Variants in CRACR2B observed in about 807,000 individuals in gnomAD.
The protein encoded by CRACR2B is calcium release activated channel regulator 2B, also known as EF-hand calcium-binding domain-containing protein 4A.
CRACR2B carries 50 observed loss-of-function variants against 46.0 expected under a neutral mutation model. The ratio of observed to expected loss-of-function variants is 1.09; its 90% CI spans 0.87 to 1.38. The LOEUF (loss-of-function observed/expected upper bound fraction) is 1.38, where lower values mean the gene tolerates loss of function less well. CRACR2B is among the 40% of genes most tolerant of loss of function. The probability of loss-of-function intolerance (pLI) is 0.00; values close to 1 mark genes in which losing one functional copy is unlikely to be tolerated. For missense variants in CRACR2B, 667 were observed against 535.0 expected (o/e 1.25, Z -2.43); for synonymous variants, 277 against 239.6 (o/e 1.16, Z -1.44).
In CRACR2B at chr11:831,520, C is replaced by CGAGG. The variant is rs1203072098; in HGVS notation, c.1026-15_1026-14insGAGG. 1.3e-6 allele frequency: 2 copies of CGAGG among 1,568,578 alleles called. No individual in the cohort carries two copies. Among genetic ancestry groups the CGAGG allele is most frequent in the South Asian group, 2.3e-5 (2 of 85,632 alleles). On this transcript the variant is annotated splice_polypyrimidine_tract_variant and intron_variant, in intron 8 of 8. Coordinates refer to ENST00000525077, the MANE Select transcript of CRACR2B (RefSeq NM_001286606.2). ...TCCCTCAGACCCTCTCAGTGTCGGA[C>CGAGG]TCCTCCTTCCCTAGGGAGCTGAATA...
In CRACR2B at chr11:830,360, C is replaced by G. The variant is rs1200007212; in HGVS notation, c.693+23C>G. The G allele has an allele frequency of 3.3e-6, 5 of 1,536,188 alleles. No homozygotes were observed. The South Asian group carries it at 6.0e-5, about 18-fold the overall frequency. On this transcript the variant is annotated intron_variant, in intron 5 of 8. Coordinates refer to ENST00000525077, the MANE Select transcript of CRACR2B (RefSeq NM_001286606.2). ...CAGGTGGGCCTCGGGCCCCGCCCCT[C>G]CCGCCAGGCCCAATCCCACCTCGCT... is the stretch of plus-strand genomic sequence containing the variant.
Position 830,687 on chromosome 11 carries a change from G to C in CRACR2B, c.760G>C (p.Glu254Gln), listed in dbSNP as rs1315243711. The C allele has an allele frequency of 6.5e-7, 1 of 1,542,730 alleles. No homozygotes were observed. The highest frequency in any genetic ancestry group is 1.4e-5 in the African/African-American group (1 of 72,894). ...LELQSREQDL[E>Q]RAGLRQRELE... Reference sequence around the variant, plus strand: ...GCTGCAGAGCCGCGAGCAGGACCTGGAACGCGCGGGCCTGCGGCAGCGGGA... The same window carrying C: ...GCTGCAGAGCCGCGAGCAGGACCTGCAACGCGCGGGCCTGCGGCAGCGGGA... The change falls in exon 6 of 9, where the codon GAA (glutamate) becomes CAA (glutamine). Residue 254 changes from glutamate (E) to glutamine (Q), a missense_variant. Glu to Gln is a conservative substitution (Grantham distance 29). Transcript: ENST00000525077.
At chr11:827,439 TC>T, upstream of CRACR2B, 4 of 636,028 alleles carry the variant, frequency 6.3e-6, no homozygotes, top group Non-Finnish European at 7.8e-6. Context: ...GGTTACCCCC[TC>T]GGGGCGCAAG....
chr11:829,624 G>A, intron 3 of CRACR2B, 84 bp downstream of exon 3: 1 of 1,382,002 alleles, frequency 7.2e-7, no homozygotes, highest in South Asian at 1.5e-5. Flanking sequence ...CCCGAGTGCT[G>A]GTTCTGCACA....
chr11:830,595 G>T, intron 5 of CRACR2B, 26 bp from the exon 6 acceptor site: 1 of 1,546,578 alleles, frequency 6.5e-7, no homozygotes. Context: ...GCCGGCGGAG[G>T]CTCAGTGGTC....
In CRACR2B at chr11:828,911, G is replaced by A. The variant is rs1846138569; in HGVS notation, c.225G>A (p.Leu75=). 1 of 1,609,004 alleles carries A rather than the reference G, an allele frequency of 6.2e-7. No homozygotes were observed. Among genetic ancestry groups the A allele is most frequent in the Non-Finnish European group, 8.5e-7 (1 of 1,179,980 alleles). The change falls in exon 2 of 9, where the codon CTG becomes CTA. Residue 75 remains leucine, a synonymous_variant. Coordinates refer to ENST00000525077, the MANE Select transcript of CRACR2B (RefSeq NM_001286606.2). ...AGCTGGAGGCTGTGTTTGAAAGTCTGGACCGGGCTCACACTGGCTTCCTCA... is the reference window on the plus strand; with the variant it reads ...AGCTGGAGGCTGTGTTTGAAAGTCTAGACCGGGCTCACACTGGCTTCCTCA... ...PEQLEAVFES[L]DRAHTGFLTA...
chr11:829,406 G>A lies in CRACR2B; in HGVS notation c.324G>A (p.Arg108=). 6.2e-7 allele frequency: 1 copy of A among 1,611,104 alleles called. No individual in the cohort carries two copies. The highest frequency in any genetic ancestry group is 8.5e-7 in the Non-Finnish European group (1 of 1,179,288). The change falls in exon 3 of 9, where the codon AGG becomes AGA. Residue 108 remains arginine, a synonymous_variant. Transcript: ENST00000525077. The part of the protein sequence containing the change: ...VASAQGANPC[R]TPEETFESGG... ...CAGCCCAGGGAGCGAACCCCTGCAG[G>A]ACTCCCGAGGAGACCTTTGAGTCGG...
rs1464679913 is a variant in CRACR2B at position 830,630 on chromosome 11, C to A, written c.703C>A (p.Arg235Ser). The A allele has an allele frequency of 6.5e-7, 1 of 1,549,254 alleles. No homozygotes were observed. The highest frequency in any genetic ancestry group is 1.2e-5 in the South Asian group (1 of 84,054). ...CCTCCGTGCGTCCCAGAACTTCGCC[C>A]GCGGGGAGCGGAGAAGCCGTCTGGA... is the stretch of plus-strand genomic sequence containing the variant. Reference protein sequence around the residue: ...SRRPPSQNFARGERRSRLELE... With the variant: ...SRRPPSQNFASGERRSRLELE... The change falls in exon 6 of 9, where the codon CGC becomes AGC. Residue 235 changes from arginine to serine, a missense_variant. Arg to Ser is a moderately radical substitution (Grantham distance 110). Coordinates refer to ENST00000525077, the MANE Select transcript of CRACR2B (RefSeq NM_001286606.2).
At position 831,908 on chromosome 11, in the gene CRACR2B, C is replaced by A; in HGVS notation, c.*199C>A. On this transcript the variant is annotated 3_prime_UTR_variant, in exon 9 of 9. Transcript: ENST00000525077. ...GGTCCCGTGTGTGCCCTCTGCCAGT[C>A]TTCGCTCTGTCCCCGTTCAATCAAC... is the stretch of plus-strand genomic sequence containing the variant. The A allele has an allele frequency of 1.8e-6, 1 of 570,688 alleles. No individual in the cohort carries two copies. The highest frequency in any genetic ancestry group is 2.9e-6 in the Non-Finnish European group (1 of 343,528). 35.4% of individuals were successfully genotyped at this position (570,688 alleles called of 1,614,324 possible).
intron 6 of CRACR2B, 75 bp from the exon 7 acceptor site, chr11:830,791 G>C (rs1846348765): frequency 1.4e-6 from 2 of 1,481,220 alleles, no homozygotes; most frequent in Non-Finnish European, 1.8e-6. Flanking sequence ...CCGGGTTGTC[G>C]GGAGCCTGGG....
rs778085923 is a variant in CRACR2B, at chr11:828,979, G to C, written c.277+16G>C. On this transcript the variant is annotated intron_variant, in intron 2 of 8. Coordinates refer to ENST00000525077, the MANE Select transcript of CRACR2B (RefSeq NM_001286606.2). ...CTGGGCCTGGGTGAGCCTGTGGCCT[G>C]CCTATCCCCCACTGCCCAGAGCTGG... The C allele has an allele frequency of 6.2e-7, 1 of 1,601,122 alleles. No individual in the cohort carries two copies. The highest frequency in any genetic ancestry group is 8.5e-7 in the Non-Finnish European group (1 of 1,179,620).
At position 829,591 on chromosome 11, in the gene CRACR2B, CTGCA is replaced by C. The variant is rs1344615261; in HGVS notation, c.458+55_458+58del. 5 of 1,487,330 alleles carry C rather than the reference CTGCA, an allele frequency of 3.4e-6. No homozygotes were observed. The African/African-American group carries it at 7.0e-5, about 21-fold the overall frequency. The allele number at this position is 1,487,330 out of a possible 1,614,324, so 92.1% of individuals were successfully genotyped here. On this transcript the variant is annotated intron_variant, in intron 3 of 8. Transcript: ENST00000525077. ...ACTGCCCGCTCTGCTGTTTCTCTGC[CTGCA>C]TGCTGTCTGCCCTTGTCACCCGAGT...
At position 828,531 on chromosome 11, in the gene CRACR2B, C is replaced by T. The variant is rs751158668; in HGVS notation, c.-77C>T. 40 of 1,462,448 alleles carry T rather than the reference C, an allele frequency of 2.7e-5. No individual in the cohort carries two copies. Among genetic ancestry groups the T allele is most frequent in the Admixed American group, 5.6e-5 (2 of 35,618 alleles). 90.6% of individuals were successfully genotyped at this position (1,462,448 alleles called of 1,614,324 possible). On this transcript the variant is annotated 5_prime_UTR_variant, in exon 1 of 9. Transcript: ENST00000525077. ...CCTTCAGACACACTTGCACCCCATC[C>T]GCTCCCCTCCTGAATTTCTTCTGAC... is the stretch of plus-strand genomic sequence containing the variant.
Position 831,621 on chromosome 11 carries a change from C to G in CRACR2B, c.1112C>G (p.Ala371Gly), listed in dbSNP as rs955345811. The G allele has an allele frequency of 2.2e-5, 34 of 1,564,926 alleles. No individual in the cohort carries two copies. Among genetic ancestry groups the G allele is most frequent in the Non-Finnish European group, 2.8e-5 (33 of 1,162,888 alleles). Residue 371 changes from alanine to glycine, a missense_variant, in exon 9 of 9, where the codon GCC becomes GGC. Physicochemically the swap from Ala to Gly is moderately conservative, Grantham distance 60 (BLOSUM62 0). Transcript: ENST00000525077. ...AGCTGCAGGAAGGCTCTGACAACAG[C>G]CCGCCTGCCTGGGCCCACCTGCTGC... is the stretch of plus-strand genomic sequence containing the variant. ...GSSCRKALTTARLPGPTCCCC... is the reference protein window; with the variant it reads ...GSSCRKALTTGRLPGPTCCCC...
In CRACR2B at chr11:830,033, C is replaced by G. The variant is rs866144535; in HGVS notation, c.506C>G (p.Pro169Arg). ...TLWARLQRER[P>R]ELLGSFEDVL... ...TGGGCCAGGCTGCAGCGCGAGCGCC[C>G]CGAGCTGCTGGGCTCTTTCGAGGAT... The change falls in exon 4 of 9, where the codon CCC becomes CGC. Residue 169 changes from proline (P) to arginine (R), a missense_variant. Physicochemically the swap from Pro to Arg is moderately radical, Grantham distance 103. Transcript: ENST00000525077. 6.4e-7 allele frequency: 1 copy of G among 1,569,200 alleles called. No individual in the cohort carries two copies. Among genetic ancestry groups the G allele is most frequent in the Non-Finnish European group, 8.6e-7 (1 of 1,163,352 alleles).
In CRACR2B at chr11:830,663, C is replaced by CTGCA. The variant is rs1846332054; in HGVS notation, c.737_740dup (p.Gln247HisfsTer106). On this transcript the variant is annotated frameshift_variant, in exon 6 of 9. Coordinates refer to ENST00000525077, the MANE Select transcript of CRACR2B (RefSeq NM_001286606.2). LOFTEE classifies it high-confidence loss of function. ...GCGGAGAAGCCGTCTGGAGCTGGAGCTGCAGAGCCGCGAGCAGGACCTGGA... is the reference window on the plus strand; with the variant it reads ...GCGGAGAAGCCGTCTGGAGCTGGAGCTGCATGCAGAGCCGCGAGCAGGACCTGGA... 1 of 1,547,590 alleles carries CTGCA rather than the reference C, an allele frequency of 6.5e-7. No individual in the cohort carries two copies.
chr11:831,329 C>A (rs1364164909), intron 8 of CRACR2B, 34 bp downstream of exon 8: 2 of 1,575,900 alleles, frequency 1.3e-6, no homozygotes, highest in Non-Finnish European at 1.7e-6. Flanking sequence ...AGGGAATGGG[C>A]TCAGCGGAGC....
chr11:830,234 G>C lies in CRACR2B; in HGVS notation c.606-16G>C. The stretch of plus-strand genomic sequence containing the variant: ...CGCTGGCAAGTTCTCATCCGGGGTC[G>C]CCCGGTCCCCCGAAGGCGCGAGAGC... On this transcript the variant is annotated splice_polypyrimidine_tract_variant and intron_variant, in intron 4 of 8. Coordinates refer to ENST00000525077, the MANE Select transcript of CRACR2B (RefSeq NM_001286606.2). 6.7e-7 allele frequency: 1 copy of C among 1,499,472 alleles called. No homozygotes were observed. The highest frequency in any genetic ancestry group is 8.9e-7 in the Non-Finnish European group (1 of 1,122,016). 92.9% of individuals were successfully genotyped at this position (1,499,472 alleles called of 1,614,324 possible). A position where few individuals can be genotyped will look rare whatever the true frequency, so the allele number is the denominator to read the frequency against.
At chr11:826,383 C>T (rs201320285), upstream of CRACR2B, 1 of 152,236 alleles carries the variant, frequency 6.6e-6, no homozygotes, top group Admixed American at 6.5e-5. Flanking sequence ...TCCTTCCAAT[C>T]CTCCCCCAAG....
Sources: gnomAD v4.1 joint callset for allele counts on GRCh38, gnomAD v4.1.1 for gene constraint, MANE v1.5 for transcripts, NCBI Gene and HGNC (gene_info 2026-07-23, HGNC 2026-07-21) for gene names.